Variants in HDAC9 observed in about 807,000 individuals in gnomAD.
HDAC9 encodes histone deacetylase 9, also known as MEF-2 interacting transcription repressor (MITR) protein.
HDAC9 carries 41 observed loss-of-function variants against 139.4 expected under a neutral mutation model. The ratio of observed to expected loss-of-function variants is 0.29; its 90% CI spans 0.23 to 0.38. The LOEUF is 0.38. Ranked by LOEUF, HDAC9 falls within the 10% of genes least tolerant of loss-of-function variation. The pLI, the probability that HDAC9 is intolerant of heterozygous loss-of-function variation, is 1.00. For synonymous variants in HDAC9, 517 were observed against 476.2 expected, an observed-to-expected ratio of 1.09 and a Z score of -1.12; for missense variants, 1,147 against 1,297.0, an observed-to-expected ratio of 0.88 and a Z score of 1.78.
chr7:18,395,545 A>G (rs1786944522), intron 1 of HDAC9, among the ~76,000 whole-genome samples: 1 of 151,886 alleles, frequency 6.6e-6, no homozygotes, highest in South Asian at 2.1e-4. Context: ...CAAAAAAAAA[A>G]AAAAAAACTA....
At chr7:18,437,741 C>G (rs1173623251) in intron 1 of HDAC9, among the ~76,000 whole-genome samples, 1 of 151,640 alleles carries the variant, frequency 6.6e-6, no homozygotes, top group Non-Finnish European at 1.5e-5. Flanking sequence ...TTTATAATTT[C>G]TGTTGGTTTT....
At chr7:18,255,684 G>C (rs1040364822) in intron 2 of HDAC9, among the ~76,000 whole-genome samples, 16 of 145,202 alleles carry the variant, frequency 1.1e-4, no homozygotes, top group Non-Finnish European at 1.8e-4. Flanking sequence ...GCGGGCGCGC[G>C]GTGACGTGAT....
chr7:18,105,652 A>C (rs1269943841), intron 1 of HDAC9, among the ~76,000 whole-genome samples: 2 of 151,380 alleles, frequency 1.3e-5, no homozygotes, highest in Non-Finnish European at 2.9e-5. Flanking sequence ...TATGAATGCA[A>C]AATGGGCACA....
rs1423007075 is a variant in HDAC9, at chr7:18,183,176, A to C, written c.25+20827A>C. 2.0e-5 allele frequency among the ~76,000 whole-genome samples: 3 copies of C among 149,324 alleles called. No individual in the cohort carries two copies. In the East Asian group the frequency reaches 5.8e-4, roughly 29 times the overall value. ...AGGTGCCTGCCACCACACCCGGCTAATTTTTTGTATTTTTAGTAGAGACGG... is the reference window on the plus strand; with the variant it reads ...AGGTGCCTGCCACCACACCCGGCTACTTTTTTGTATTTTTAGTAGAGACGG... On this transcript the variant is annotated intron_variant, in intron 2 of 12. Coordinates refer to the HDAC9 transcript ENST00000417496.
At chr7:18,356,706 T>TG (rs1303347543) in intron 1 of HDAC9, among the ~76,000 whole-genome samples, 1 of 152,092 alleles carries the variant, frequency 6.6e-6, no homozygotes, top group Non-Finnish European at 1.5e-5. Flanking sequence ...TATTTGCACA[T>TG]GGGGGAGGGT....
intron 1 of HDAC9, among the ~76,000 whole-genome samples, chr7:18,112,988 C>T (rs553827654): frequency 3.3e-5 from 5 of 151,550 alleles, no homozygotes; most frequent in African/African-American, 9.7e-5. Context: ...ATGGTACAGG[C>T]GAAGGTGGAA....
intron 23 of HDAC9, among the ~76,000 whole-genome samples, chr7:18,940,683 T>C (rs1358984203): frequency 6.6e-6 from 1 of 152,150 alleles, no homozygotes; most frequent in East Asian, 1.9e-4. Flanking sequence ...AAATCTGATT[T>C]TGGTAATCTG....
At chr7:18,238,949 A>C (rs1336485396) in intron 2 of HDAC9, among the ~76,000 whole-genome samples, 3 of 152,212 alleles carry the variant, frequency 2.0e-5, no homozygotes, top group African/African-American at 4.8e-5. Flanking sequence ...ACTCAGCTTC[A>C]AATTGGTAAT....
chr7:18,936,285 G>T (rs539738311), intron 23 of HDAC9, among the ~76,000 whole-genome samples: 1 of 143,128 alleles, frequency 7.0e-6, no homozygotes, highest in Non-Finnish European at 1.5e-5. Flanking sequence ...TGTTATTTCT[G>T]GGAAAAAAAA....
chr7:18,238,068 A>G (rs1258936207), intron 2 of HDAC9, among the ~76,000 whole-genome samples: 1 of 152,206 alleles, frequency 6.6e-6, no homozygotes, highest in Admixed American at 6.5e-5. Flanking sequence ...ACCAATTAGA[A>G]CAGTGAACTT....
chr7:18,273,721 T>C (rs1481582675), intron 2 of HDAC9, among the ~76,000 whole-genome samples: 3 of 152,102 alleles, frequency 2.0e-5, no homozygotes, highest in Non-Finnish European at 4.4e-5. Flanking sequence ...ATGATGAACA[T>C]TAAATATAAC....
chr7:18,760,522 A>G (rs1789290531), intron 14 of HDAC9, among the ~76,000 whole-genome samples: 1 of 152,184 alleles, frequency 6.6e-6, no homozygotes, highest in East Asian at 1.9e-4. Flanking sequence ...TTCTGATCTT[A>G]CCCACCTGGA....
chr7:18,701,992 C>A (rs751988935), intron 12 of HDAC9, among the ~76,000 whole-genome samples: 1 of 152,198 alleles, frequency 6.6e-6, no homozygotes, highest in Non-Finnish European at 1.5e-5. Flanking sequence ...TAGTTTCCTG[C>A]CTTCTCTCTT....
chr7:18,239,754 C>T (rs550329232), intron 2 of HDAC9, among the ~76,000 whole-genome samples: 1 of 152,180 alleles, frequency 6.6e-6, no homozygotes, highest in Non-Finnish European at 1.5e-5. Context: ...TATTAAGTTG[C>T]CACAGGAGAA....
At chr7:18,488,910 A>C (rs1231486904) in intron 1 of HDAC9, among the ~76,000 whole-genome samples, 1 of 152,044 alleles carries the variant, frequency 6.6e-6, no homozygotes, top group Non-Finnish European at 1.5e-5. Context: ...GAAATGCAAA[A>C]AGTGAAAGTG....
rs146978688 is a variant in HDAC9 at position 18,634,066 on chromosome 7, A to G, written c.797-561A>G. 6.1e-3 allele frequency among the ~76,000 whole-genome samples: 922 copies of G among 152,260 alleles called. 7 individuals carry two copies. Among genetic ancestry groups the G allele is most frequent in the African/African-American group, 0.021 (887 of 41,572 alleles). ...AAGTCAGATGGTCTTGTACAAGGTC[A>G]TCAGTGCAATGTTGAGATTTTACAT... is the stretch of plus-strand genomic sequence containing the variant. On this transcript the variant is annotated intron_variant, in intron 7 of 25. Coordinates refer to ENST00000686413, the MANE Select transcript of HDAC9 (RefSeq NM_178425.4).
intron 22 of HDAC9, among the ~76,000 whole-genome samples, chr7:18,876,703 A>ATT (rs71017009): frequency 0.011 from 1,540 of 145,092 alleles, 8 homozygotes; most frequent in Non-Finnish European, 0.013. Context: ...ATGAGAATAG[A>ATT]TTTTTTTTTT....
Position 18,647,986 on chromosome 7 carries a change from C to T in HDAC9, c.1237C>T (p.Leu413Phe). 6.2e-7 allele frequency: 1 copy of T among 1,607,036 alleles called. No individual in the cohort carries two copies. The highest frequency in any genetic ancestry group is 1.3e-5 in the African/African-American group (1 of 74,874). ...GAAAGAACAAATGCGACAGCAAAAG[C>T]TTCTTGTAGCTGGTAATTCATTATG... ...LLKEQMRQQK[L>F]LVAGGVPLHP... The change falls in exon 10 of 26, where the codon CTT becomes TTT. Residue 413 changes from leucine to phenylalanine, a missense_variant. By Grantham distance (22) the Leu-to-Phe change is conservative. Coordinates refer to ENST00000686413, the MANE Select transcript of HDAC9 (RefSeq NM_178425.4).
chr7:18,595,410 C>T (rs896063005), intron 6 of HDAC9, among the ~76,000 whole-genome samples: 1 of 151,942 alleles, frequency 6.6e-6, no homozygotes, highest in African/African-American at 2.4e-5. Context: ...TATGTTATTT[C>T]TAAAACATGA....
Sources: gnomAD v4.1 joint callset for allele counts (sites outside exome capture counted in the v4.1 genomes callset) on GRCh38, gnomAD v4.1.1 for gene constraint, MANE v1.5 for transcripts, NCBI Gene and HGNC (gene_info 2026-07-23, HGNC 2026-07-21) for gene names.